SCHIP1: variants seen among roughly 807,000 people sequenced by gnomAD.
The protein encoded by SCHIP1 is schwannomin interacting protein 1, also known as schwannomin-interacting protein 1.
A neutral mutation model predicts 29.7 loss-of-function variants in SCHIP1; 8 were observed. The observed-to-expected ratio is 0.27, with a 90% CI of 0.16 to 0.49. The LOEUF is 0.49. Ranked by LOEUF, SCHIP1 falls within the 20% of genes least tolerant of loss-of-function variation. The pLI is 0.99. For missense variants in SCHIP1, 193 were observed against 294.6 expected (o/e 0.66, Z 2.52); for synonymous variants, 76 against 94.9 (o/e 0.80, Z 1.16).
chr3:159,760,078 TG>T, the SCHIP1 span, among the ~76,000 whole-genome samples: 1 of 8,876 alleles, frequency 1.1e-4, no homozygotes, highest in African/African-American at 4.7e-4. Flanking sequence ...GGATTTGTTT[TG>T]CAGGGGGGTG....
the SCHIP1 span, among the ~76,000 whole-genome samples, chr3:159,618,982 G>A: frequency 1.3e-5 from 2 of 152,182 alleles, no homozygotes; most frequent in Non-Finnish European, 2.9e-5. Flanking sequence ...CCTTGGCAGG[G>A]TAAACAGCAC....
At chr3:159,410,440 C>A in the SCHIP1 span, among the ~76,000 whole-genome samples, 2 of 151,852 alleles carry the variant, frequency 1.3e-5, no homozygotes, top group Non-Finnish European at 2.9e-5. Context: ...GAAAAAATAT[C>A]TAATAATCCA....
At chr3:159,591,502 A>G in the SCHIP1 span, among the ~76,000 whole-genome samples, 2 of 152,234 alleles carry the variant, frequency 1.3e-5, no homozygotes, top group Non-Finnish European at 2.9e-5. Flanking sequence ...ACAATAGAAA[A>G]GACATGGAAG....
At chr3:159,877,059 CTAT>C (rs1304299476) in intron 2 of SCHIP1, among the ~76,000 whole-genome samples, 2 of 152,200 alleles carry the variant, frequency 1.3e-5, no homozygotes, top group Non-Finnish European at 2.9e-5. Context: ...AGATACATCC[CTAT>C]TTTAGGCTGG....
the SCHIP1 span, among the ~76,000 whole-genome samples, chr3:159,275,706 C>G: frequency 2.6e-5 from 4 of 152,148 alleles, no homozygotes; most frequent in Non-Finnish European, 4.4e-5. Flanking sequence ...TGCTGTATGA[C>G]AAACTACAAG....
chr3:159,736,621 TG>T, the SCHIP1 span, among the ~76,000 whole-genome samples: 1 of 152,174 alleles, frequency 6.6e-6, no homozygotes, highest in Admixed American at 6.5e-5. Context: ...TCAGGAACCA[TG>T]GCTACCTACC....
At chr3:159,477,377 C>T in the SCHIP1 span, among the ~76,000 whole-genome samples, 41 of 152,226 alleles carry the variant, frequency 2.7e-4, no homozygotes, top group Admixed American at 9.2e-4. Context: ...TCCATAATAG[C>T]TGTACTAATT....
At chr3:159,870,626 T>G (rs1307510798) in intron 2 of SCHIP1, among the ~76,000 whole-genome samples, 1 of 152,012 alleles carries the variant, frequency 6.6e-6, no homozygotes, top group Non-Finnish European at 1.5e-5. Context: ...TGTTGGAGTA[T>G]TATATTTTTT....
At chr3:159,724,698 G>C in the SCHIP1 span, among the ~76,000 whole-genome samples, 2 of 152,180 alleles carry the variant, frequency 1.3e-5, no homozygotes, top group Non-Finnish European at 1.5e-5. Context: ...TCAAGAAAAT[G>C]AGTGACTCGA....
the SCHIP1 span, among the ~76,000 whole-genome samples, chr3:159,397,981 C>T: frequency 5.0e-4 from 76 of 152,292 alleles, no homozygotes; most frequent in African/African-American, 1.5e-3. Context: ...AGCGAGACTC[C>T]GTGGGTGCAG....
intron 1 of SCHIP1, among the ~76,000 whole-genome samples, chr3:159,850,185 T>A (rs534470135): frequency 5.3e-5 from 8 of 152,298 alleles, no homozygotes; most frequent in African/African-American, 1.9e-4. Context: ...TCCAGATGTA[T>A]GATCTGGAAA....
chr3:159,336,668 A>G, the SCHIP1 span, among the ~76,000 whole-genome samples: 3 of 152,080 alleles, frequency 2.0e-5, no homozygotes, highest in African/African-American at 7.2e-5. Context: ...GTGTGGTATT[A>G]TTTCTGAGGG....
the SCHIP1 span, among the ~76,000 whole-genome samples, chr3:159,672,242 G>C: frequency 2.0e-5 from 3 of 152,212 alleles, no homozygotes; most frequent in Admixed American, 6.5e-5. Context: ...ATGAGCACAT[G>C]AGTATAGTAA....
At chr3:159,633,223 T>A in the SCHIP1 span, among the ~76,000 whole-genome samples, 2 of 152,236 alleles carry the variant, frequency 1.3e-5, no homozygotes, top group Admixed American at 1.3e-4. Context: ...ATATCACACT[T>A]TCTACTGCAG....
chr3:159,776,632 CT>C, the SCHIP1 span, among the ~76,000 whole-genome samples: 1 of 152,142 alleles, frequency 6.6e-6, no homozygotes, highest in Non-Finnish European at 1.5e-5. Flanking sequence ...GCAGCAGTAA[CT>C]TTAAAACATT....
At chr3:159,494,509 A>G in the SCHIP1 span, among the ~76,000 whole-genome samples, 1 of 152,230 alleles carries the variant, frequency 6.6e-6, no homozygotes, top group Non-Finnish European at 1.5e-5. Context: ...TCTAGAAGAA[A>G]TGGATAAATT....
the SCHIP1 span, among the ~76,000 whole-genome samples, chr3:159,495,247 T>A: frequency 1.3e-5 from 2 of 152,158 alleles, no homozygotes; most frequent in Non-Finnish European, 2.9e-5. Context: ...GTGCTGGAAG[T>A]TCTGGCCAGG....
chr3:159,748,418 G>A, the SCHIP1 span, among the ~76,000 whole-genome samples: 1 of 152,186 alleles, frequency 6.6e-6, no homozygotes, highest in Non-Finnish European at 1.5e-5. Flanking sequence ...TCAAAGAAAA[G>A]AATTATATAA....
the SCHIP1 span, among the ~76,000 whole-genome samples, chr3:159,666,545 T>A: frequency 6.6e-6 from 1 of 152,218 alleles, no homozygotes; most frequent in Non-Finnish European, 1.5e-5. Context: ...TAGGTTCACA[T>A]AAATAGAATT....
Sources: allele counts gnomAD v4.1 joint callset (sites outside exome capture counted in the v4.1 genomes callset), GRCh38; gene constraint gnomAD v4.1.1; transcripts MANE v1.5; gene names NCBI Gene and HGNC (gene_info 2026-07-23, HGNC 2026-07-21).